Variants in GALNT12 observed in about 807,000 individuals in gnomAD.
GALNT12 encodes UDP-GalNAc:polypeptide N-acetylgalactosaminyltransferase 12.
A neutral mutation model predicts 55.5 loss-of-function variants in GALNT12; 45 were observed. The observed-to-expected ratio is 0.81, with a 90% CI of 0.64 to 1.04. GALNT12 has a LOEUF of 1.04. Ranked by LOEUF, GALNT12 falls within the 50% of genes least tolerant of loss-of-function variation. GALNT12 has a pLI of 0.00. For missense variants in GALNT12, 709 were observed against 754.8 expected (o/e 0.94, Z 0.71); for synonymous variants, 304 against 312.2 (o/e 0.97, Z 0.28).
intron 1 of GALNT12, among the ~76,000 whole-genome samples, chr9:98,815,538 G>A (rs1835592119): frequency 6.6e-6 from 1 of 152,144 alleles, no homozygotes; most frequent in Non-Finnish European, 1.5e-5. Context: ...ATGCCTTTAG[G>A]AGATGTTTTC....
intron 2 of GALNT12, among the ~76,000 whole-genome samples, chr9:98,825,440 C>G (rs893642367): frequency 9.9e-5 from 15 of 152,150 alleles, no homozygotes; most frequent in African/African-American, 3.6e-4. Context: ...TCCTGCCTTG[C>G]CTCCCCTCCC....
At chr9:98,832,505 G>GAC (rs1836026424) in intron 4 of GALNT12, among the ~76,000 whole-genome samples, 1 of 152,226 alleles carries the variant, frequency 6.6e-6, no homozygotes, top group Non-Finnish European at 1.5e-5. Flanking sequence ...GCGATAGAGT[G>GAC]ACACCCTGTC....
At chr9:98,814,887 T>G (rs758499823) in intron 1 of GALNT12, among the ~76,000 whole-genome samples, 2 of 152,214 alleles carry the variant, frequency 1.3e-5, no homozygotes, top group Non-Finnish European at 2.9e-5. Flanking sequence ...CAAATGGTAC[T>G]GTTACTACCA....
At chr9:98,825,001 A>G (rs912720859) in intron 2 of GALNT12, among the ~76,000 whole-genome samples, 2 of 152,172 alleles carry the variant, frequency 1.3e-5, no homozygotes, top group Non-Finnish European at 2.9e-5. Context: ...CAATGACCCT[A>G]ACCAGTTTCA....
chr9:98,807,834 G>A lies in GALNT12; in HGVS notation c.136G>A (p.Gly46Arg), dbSNP rs10987768. 21,281 of 1,018,778 alleles carry A rather than the reference G, an allele frequency of 0.021. 685 individuals carry two copies. The highest frequency in any genetic ancestry group is 0.2 in the East Asian group (2,187 of 10,728). 63.1% of individuals were successfully genotyped at this position (1,018,778 alleles called of 1,614,324 possible). ...VLRAQRGAGA[G>R]AAEPGPPRTP... ...GCGGGCGCAGCGTGGGGCCGGGGCC[G>A]GGGCTGCCGAGCCGGGACCCCCGCG... Residue 46 changes from glycine to arginine, a missense_variant, in exon 1 of 10, where the codon GGG (glycine) becomes AGG (arginine). Gly to Arg is a moderately radical substitution (Grantham distance 125, BLOSUM62 -2). Transcript: ENST00000375011.
chr9:98,810,590 A>G (rs1267840747), intron 1 of GALNT12, among the ~76,000 whole-genome samples: 1 of 152,144 alleles, frequency 6.6e-6, no homozygotes, highest in African/African-American at 2.4e-5. Context: ...AGTGCCTTTT[A>G]TCAGAGGAAA....
intron 1 of GALNT12, among the ~76,000 whole-genome samples, chr9:98,820,796 G>A (rs947029677): frequency 1.3e-5 from 2 of 152,136 alleles, no homozygotes; most frequent in Non-Finnish European, 2.9e-5. Flanking sequence ...CCATTTTGAC[G>A]GGTGTGGGAT....
chr9:98,836,884 C>T (rs572922103), intron 5 of GALNT12, 88 bp from the exon 6 acceptor site: 12 of 1,394,964 alleles, frequency 8.6e-6, no homozygotes, highest in Admixed American at 8.4e-5. Flanking sequence ...TCATGCCTTG[C>T]GTGTGCCTGG....
chr9:98,832,147 G>A (rs921280697), intron 4 of GALNT12, among the ~76,000 whole-genome samples, 190 bp downstream of exon 4: 31 of 151,700 alleles, frequency 2.0e-4, no homozygotes, highest in Admixed American at 1.6e-3. Context: ...ATTTTATATC[G>A]GTATATTTTA....
At chr9:98,839,514 T>G (rs997970716) in intron 6 of GALNT12, among the ~76,000 whole-genome samples, 2 of 152,240 alleles carry the variant, frequency 1.3e-5, no homozygotes, top group African/African-American at 4.8e-5. Context: ...TATTTCATAC[T>G]GAGAACATGA....
At chr9:98,820,970 T>G (rs1244008170) in intron 1 of GALNT12, among the ~76,000 whole-genome samples, 1 of 152,166 alleles carries the variant, frequency 6.6e-6, no homozygotes, top group African/African-American at 2.4e-5. Context: ...GAGACACATA[T>G]CGAACTATTT....
intron 4 of GALNT12, among the ~76,000 whole-genome samples, chr9:98,834,565 A>C (rs1836087195): frequency 6.6e-6 from 1 of 152,232 alleles, no homozygotes; most frequent in Non-Finnish European, 1.5e-5. Context: ...GGTGGCGGGA[A>C]ACAAGGCTGG....
At chr9:98,829,153 T>TTTATCTATCTATC in intron 3 of GALNT12, among the ~76,000 whole-genome samples, 1 of 141,982 alleles carries the variant, frequency 7.0e-6, no homozygotes, top group African/African-American at 2.7e-5. Context: ...GTAATTTTTT[T>TTTATCTATCTATC]TATCTATCTA....
chr9:98,813,348 CATTT>C (rs1007898943), intron 1 of GALNT12, among the ~76,000 whole-genome samples: 5 of 152,216 alleles, frequency 3.3e-5, no homozygotes, highest in Admixed American at 1.3e-4. Context: ...CTTTGTCATT[CATTT>C]GAGGTCTTCT....
Position 98,831,822 on chromosome 9 carries a change from A to T in GALNT12, c.782A>T (p.Asp261Val). Residue 261 changes from aspartate to valine, a missense_variant, in exon 4 of 10, where the codon GAC becomes GTC. Around this residue, in one of 5 missense-constraint regions of GALNT12, gnomAD observed 315 missense variants for 288.6 expected, o/e 1.09. Transcript: ENST00000375011. ...AVVCPVIDVI[D>V]WNTFEYLGNS... ...GTGTGCCCGGTGATTGATGTGATCG[A>T]CTGGAACACCTTCGAATACCTGGGG... 6.2e-7 allele frequency: 1 copy of T among 1,614,206 alleles called. No individual in the cohort carries two copies. The highest frequency in any genetic ancestry group is 8.5e-7 in the Non-Finnish European group (1 of 1,180,026).
chr9:98,829,493 A>G (rs1342506181), intron 3 of GALNT12, among the ~76,000 whole-genome samples: 1 of 151,644 alleles, frequency 6.6e-6, no homozygotes, highest in African/African-American at 2.4e-5. Flanking sequence ...CCAGCCAGTT[A>G]TTTTTAAATG....
At chr9:98,819,776 G>T (rs1318677730) in intron 1 of GALNT12, among the ~76,000 whole-genome samples, 1 of 152,162 alleles carries the variant, frequency 6.6e-6, no homozygotes, top group African/African-American at 2.4e-5. Flanking sequence ...TTTAGATTCA[G>T]ATGGCCCACC....
intron 3 of GALNT12, among the ~76,000 whole-genome samples, chr9:98,831,252 C>T (rs988410098): frequency 2.0e-5 from 3 of 152,246 alleles, no homozygotes; most frequent in African/African-American, 7.2e-5. Context: ...GAAGTCCTCA[C>T]ATTAACCCTC....
intron 3 of GALNT12, among the ~76,000 whole-genome samples, chr9:98,830,172 G>A (rs982167297): frequency 6.6e-6 from 1 of 152,140 alleles, no homozygotes; most frequent in Non-Finnish European, 1.5e-5. Flanking sequence ...TTGGGGCTGG[G>A]GCCTCGGCTT....
Sources: gnomAD v4.1 joint callset for allele counts (sites outside exome capture counted in the v4.1 genomes callset) on GRCh38, gnomAD v4.1.1 for gene constraint, gnomAD v4.1.1 regional missense constraint, MANE v1.5 for transcripts, NCBI Gene and HGNC (gene_info 2026-07-23, HGNC 2026-07-21) for gene names.